The following GIT2 variants were observed in gnomAD, a reference collection of about 807,000 sequenced individuals.
GIT2 encodes ARF GTPase-activating protein GIT2.
In GIT2, 32 loss-of-function variants were observed where a neutral mutation model predicts 100.3. That is an observed-to-expected ratio of 0.32 (90% CI 0.24 to 0.43). GIT2 has a LOEUF of 0.43. Ranked by LOEUF, GIT2 falls within the 20% of genes least tolerant of loss-of-function variation. The pLI is 1.00. For synonymous variants in GIT2, 353 were observed against 364.1 expected (o/e 0.97, Z 0.35); for missense variants, 737 against 975.1 (o/e 0.76, Z 3.25).
In GIT2 at chr12:109,953,077, C is replaced by T. The variant is rs1461309369; in HGVS notation, c.1242+15G>A. The T allele has an allele frequency of 7.6e-6, 12 of 1,584,838 alleles. No individual in the cohort carries two copies. The highest frequency in any genetic ancestry group is 1.0e-5 in the Non-Finnish European group (12 of 1,156,006). On this transcript the variant is annotated intron_variant, in intron 13 of 19. Coordinates refer to ENST00000355312, the MANE Select transcript of GIT2 (RefSeq NM_057169.5). ...GATGCGTGCTTGCCCTTCCATGGGA[C>T]GCATGGCCTCTCACCTTCTGCCGGT...
At chr12:109,965,295 C>T (rs529950049) in intron 9 of GIT2, among the ~76,000 whole-genome samples, 9 of 152,296 alleles carry the variant, frequency 5.9e-5, no homozygotes, top group East Asian at 1.9e-4. Flanking sequence ...GCACTTGTTA[C>T]ATGATAGAGA....
At chr12:109,952,348 C>G (rs1447931548) in intron 13 of GIT2, among the ~76,000 whole-genome samples, 3 of 152,246 alleles carry the variant, frequency 2.0e-5, no homozygotes, top group Non-Finnish European at 4.4e-5. Flanking sequence ...GCCGAGGTCT[C>G]TCCCACCCGC....
Position 109,996,316 on chromosome 12 carries a change from GCGGCGGCGCTGA to G in GIT2, c.-104_-93del, listed in dbSNP as rs1463896261. ...GCTTCCGCTCTAACGGGTCCCAGCT[GCGGCGGCGCTGA>G]CGGCGGCGCCTCTCCCCTCAGCGCC... On this transcript the variant is annotated 5_prime_UTR_variant, in exon 1 of 20. Coordinates refer to ENST00000355312, the MANE Select transcript of GIT2 (RefSeq NM_057169.5). The G allele has an allele frequency of 6.8e-6, 6 of 877,514 alleles. No homozygotes were observed. The highest frequency in any genetic ancestry group is 3.4e-5 in the South Asian group (2 of 59,484). 54.4% of individuals were successfully genotyped at this position (877,514 alleles called of 1,614,324 possible). A position where few individuals can be genotyped will look rare whatever the true frequency, so the allele number is the denominator to read the frequency against.
In GIT2 at chr12:109,938,663, G is replaced by A. The variant is rs1466676201; in HGVS notation, c.1815-95C>T. 5 of 824,266 alleles carry A rather than the reference G, an allele frequency of 6.1e-6. No individual in the cohort carries two copies. In the East Asian group the frequency reaches 1.0e-4, roughly 17 times the overall value. 51.1% of individuals were successfully genotyped at this position (824,266 alleles called of 1,614,324 possible). On this transcript the variant is annotated intron_variant, in intron 17 of 19. Transcript: ENST00000355312. ...CTTTGTATGCACTGGCTAAATGCATGAGCAGGCTGGTCTCGTCATTTCCTT... is the reference window on the plus strand; with the variant it reads ...CTTTGTATGCACTGGCTAAATGCATAAGCAGGCTGGTCTCGTCATTTCCTT...
At chr12:109,999,542 G>T (rs1454479103), upstream of GIT2, 16 of 497,770 alleles carry the variant, frequency 3.2e-5, no homozygotes, top group Non-Finnish European at 4.6e-5. The surrounding 1 kb of genome is among the most constrained non-coding windows in gnomAD (Gnocchi z 4.3). Flanking sequence ...CGCGCGCCCC[G>T]CACCCGACCG....
At chr12:109,973,390 C>T (rs1884376514) in intron 7 of GIT2, among the ~76,000 whole-genome samples, 1 of 152,134 alleles carries the variant, frequency 6.6e-6, no homozygotes, top group South Asian at 2.1e-4. Flanking sequence ...ATCTATCTGC[C>T]TCAGCCTCCC....
upstream of GIT2, chr12:109,998,943 G>A (rs768782038): frequency 6.6e-6 from 1 of 152,228 alleles, no homozygotes; most frequent in Non-Finnish European, 1.5e-5. Flanking sequence ...TCATGAAGTA[G>A]AAATATCCCC....
At chr12:109,995,598 C>T (rs991920994) in intron 1 of GIT2, among the ~76,000 whole-genome samples, 4 of 152,140 alleles carry the variant, frequency 2.6e-5, no homozygotes, top group Admixed American at 2.6e-4. Flanking sequence ...CCGTTCAGAT[C>T]CTCAAACTTG....
At chr12:109,945,095 G>A (rs1398612669) in intron 16 of GIT2, among the ~76,000 whole-genome samples, 165 bp downstream of exon 16, 1 of 152,160 alleles carries the variant, frequency 6.6e-6, no homozygotes, top group African/African-American at 2.4e-5. Context: ...GAGCGTGCAT[G>A]TGGACGAGTG....
At chr12:109,991,206 A>G (rs1321945397) in intron 2 of GIT2, among the ~76,000 whole-genome samples, 2 of 151,564 alleles carry the variant, frequency 1.3e-5, no homozygotes, top group Non-Finnish European at 2.9e-5. Context: ...GCTACTTGGG[A>G]GGCTGAGGCA....
chr12:109,973,504 G>A (rs1293965746), intron 7 of GIT2, among the ~76,000 whole-genome samples: 1 of 151,906 alleles, frequency 6.6e-6, no homozygotes, highest in Non-Finnish European at 1.5e-5. Flanking sequence ...AACTCCATCT[G>A]TACACTCTCC....
chr12:109,978,438 C>T (rs975128030), intron 7 of GIT2, among the ~76,000 whole-genome samples: 1 of 152,054 alleles, frequency 6.6e-6, no homozygotes, highest in African/African-American at 2.4e-5. Context: ...TCTGCACACA[C>T]CACTCTTTCT....
chr12:109,953,043 C>A, intron 13 of GIT2, 49 bp downstream of exon 13: 2 of 1,600,888 alleles, frequency 1.2e-6, no homozygotes, highest in Non-Finnish European at 1.7e-6. Flanking sequence ...GCAGGGCTAG[C>A]CCTCAGCTGA....
intron 1 of GIT2, among the ~76,000 whole-genome samples, chr12:109,995,311 G>T (rs1380596964): frequency 6.6e-6 from 1 of 152,102 alleles, no homozygotes; most frequent in Non-Finnish European, 1.5e-5. Context: ...CCCCTATATT[G>T]CTGGTGATTT....
chr12:109,992,376 A>C (rs1483896764), intron 1 of GIT2, among the ~76,000 whole-genome samples: 7 of 151,832 alleles, frequency 4.6e-5, no homozygotes, highest in Admixed American at 4.6e-4. Flanking sequence ...CAAACTCCTG[A>C]CCTCAGGTGA....
At chr12:109,960,401 A>T (rs1593035135) in intron 11 of GIT2, among the ~76,000 whole-genome samples, 1 of 152,062 alleles carries the variant, frequency 6.6e-6, no homozygotes, top group African/African-American at 2.4e-5. Context: ...AGGCGGGAGG[A>T]TCACTTGAGG....
At chr12:109,989,827 G>T in intron 2 of GIT2, 25 bp from the exon 3 acceptor site, 1 of 1,202,520 alleles carries the variant, frequency 8.3e-7, no homozygotes, top group Non-Finnish European at 1.2e-6. Flanking sequence ...GATGACATAA[G>T]ACTTTAATTT....
At chr12:109,978,046 G>A (rs1329352063) in intron 7 of GIT2, among the ~76,000 whole-genome samples, 1 of 131,302 alleles carries the variant, frequency 7.6e-6, no homozygotes, top group Non-Finnish European at 1.7e-5. Context: ...TCTTGAATCT[G>A]TAAGTTTATG....
chr12:109,971,693 G>A (rs1045859317), intron 7 of GIT2, among the ~76,000 whole-genome samples: 1 of 151,554 alleles, frequency 6.6e-6, no homozygotes, highest in African/African-American at 2.4e-5. Context: ...CTAGTCTAAA[G>A]AAATGTGATG....
Sources: allele counts gnomAD v4.1 joint callset (sites outside exome capture counted in the v4.1 genomes callset), GRCh38; gene constraint gnomAD v4.1.1; non-coding constraint Gnocchi (gnomAD v3.1); transcripts MANE v1.5; gene names NCBI Gene and HGNC (gene_info 2026-07-23, HGNC 2026-07-21).